Variants in PSMB2 observed in about 807,000 individuals in gnomAD.
PSMB2 encodes proteasome 20S subunit beta 2.
PSMB2 carries 13 observed loss-of-function variants against 25.7 expected under a neutral mutation model. The ratio of observed to expected loss-of-function variants is 0.51; its 90% CI spans 0.33 to 0.80. PSMB2 has a LOEUF of 0.80. Ranked by LOEUF, PSMB2 falls within the 30% of genes least tolerant of loss-of-function variation. The pLI is 0.02. For synonymous variants in PSMB2, 87 were observed against 96.2 expected (o/e 0.90, Z 0.56); for missense variants, 202 against 259.0 (o/e 0.78, Z 1.51).
chr1:35,605,205 C>T (rs764711667), intron 5 of PSMB2, 28 bp downstream of exon 5: 2 of 1,585,176 alleles, frequency 1.3e-6, no homozygotes, highest in Non-Finnish European at 1.7e-6. Context: ...ACAAACATTC[C>T]TTTCAGGATC....
rs1232323602 is a variant in PSMB2 at position 35,625,713 on chromosome 1, G to T, written c.285+5561C>A. On this transcript the variant is annotated intron_variant, in intron 3 of 5. Coordinates refer to ENST00000373237, the MANE Select transcript of PSMB2 (RefSeq NM_002794.5). Reference sequence around the variant, plus strand: ...GGAGGTGGAGCTTGCAGTGAGCCGAGATCGTGCCCCTGCACTCCAGCCTGG... The same window carrying T: ...GGAGGTGGAGCTTGCAGTGAGCCGATATCGTGCCCCTGCACTCCAGCCTGG... Among the ~76,000 whole-genome samples, 6 of 151,120 alleles carry T rather than the reference G, an allele frequency of 4.0e-5. No individual in the cohort carries two copies. The South Asian group carries it at 8.4e-4, about 21-fold the overall frequency.
At chr1:35,639,914 C>A (rs1651344051) in intron 1 of PSMB2, among the ~76,000 whole-genome samples, 1 of 152,040 alleles carries the variant, frequency 6.6e-6, no homozygotes, top group African/African-American at 2.4e-5. Context: ...ATTCATTAAC[C>A]TTTTGAGATA....
chr1:35,620,058 T>C (rs1042135411), intron 3 of PSMB2, among the ~76,000 whole-genome samples: 2 of 152,216 alleles, frequency 1.3e-5, no homozygotes, highest in Non-Finnish European at 2.9e-5. Context: ...CATGCTTTGC[T>C]ACACGCTTGC....
chr1:35,619,959 C>CT (rs913859169), intron 3 of PSMB2, among the ~76,000 whole-genome samples: 12 of 151,588 alleles, frequency 7.9e-5, no homozygotes, highest in African/African-American at 2.4e-4. Context: ...CACTTGAATT[C>CT]TTTTTTTTTC....
intron 2 of PSMB2, among the ~76,000 whole-genome samples, chr1:35,633,369 T>C (rs1389440946): frequency 6.6e-6 from 1 of 152,250 alleles, no homozygotes; most frequent in African/African-American, 2.4e-5. Flanking sequence ...AGATTTTCTC[T>C]TTCTTTCCCT....
At chr1:35,605,155 A>T (rs1488874879) in intron 5 of PSMB2, 78 bp downstream of exon 5, 21 of 1,441,650 alleles carry the variant, frequency 1.5e-5, no homozygotes, top group Non-Finnish European at 2.9e-6. Context: ...ATCTGAAAAA[A>T]TATAACTGAG....
rs968427742 is a variant in PSMB2, at chr1:35,601,190, C to G, written c.*2077G>C. On this transcript the variant is annotated 3_prime_UTR_variant, in exon 6 of 6. Transcript: ENST00000373237. ...CAAGCAATTCTCCTGCCTCAGCCTC[C>G]CAAGTAGTTGGGTTTACAGGCGTGT... 1 of 644,996 alleles carries G rather than the reference C, an allele frequency of 1.6e-6. No individual in the cohort carries two copies. The allele number at this position is 644,996 out of a possible 1,614,324, so 40.0% of individuals were successfully genotyped here.
intron 1 of PSMB2, among the ~76,000 whole-genome samples, chr1:35,638,760 A>G (rs183090382): frequency 1.5e-3 from 221 of 152,310 alleles, no homozygotes; most frequent in Middle Eastern, 3.4e-3. Context: ...CAAAAGTTAT[A>G]CCACTTAATA....
chr1:35,636,188 A>C, intron 2 of PSMB2, 122 bp downstream of exon 2: 1 of 1,255,122 alleles, frequency 8.0e-7, no homozygotes, highest in Non-Finnish European at 1.1e-6. Flanking sequence ...TTAATCTTTG[A>C]CTTCTAACAT....
chr1:35,639,126 C>T (rs1020344726), intron 1 of PSMB2, among the ~76,000 whole-genome samples: 7 of 151,858 alleles, frequency 4.6e-5, no homozygotes, highest in South Asian at 2.1e-4. Context: ...TGGTGACGGG[C>T]GCCTGTAATC....
chr1:35,620,571 T>C (rs1405213234), intron 3 of PSMB2, among the ~76,000 whole-genome samples: 2 of 150,192 alleles, frequency 1.3e-5, no homozygotes, highest in Non-Finnish European at 3.0e-5. Context: ...GGCACAATCT[T>C]GGCTCATTAA....
intron 3 of PSMB2, among the ~76,000 whole-genome samples, chr1:35,612,650 C>T (rs1650375729): frequency 6.6e-6 from 1 of 152,044 alleles, no homozygotes; most frequent in Admixed American, 6.6e-5. Flanking sequence ...AACTGGTATC[C>T]CTCCCCAAGA....
intron 4 of PSMB2, among the ~76,000 whole-genome samples, chr1:35,608,472 A>G (rs569599242): frequency 1.3e-5 from 2 of 152,174 alleles, no homozygotes; most frequent in South Asian, 4.1e-4. Context: ...TCAAATAGCT[A>G]GAAGGAGGAT....
chr1:35,638,219 T>C (rs909694958), intron 1 of PSMB2, among the ~76,000 whole-genome samples: 8 of 152,146 alleles, frequency 5.3e-5, no homozygotes, highest in Admixed American at 4.6e-4. Flanking sequence ...GAGGGCAACA[T>C]ATTTAATAAA....
At chr1:35,638,673 G>C (rs1651311194) in intron 1 of PSMB2, among the ~76,000 whole-genome samples, 1 of 152,148 alleles carries the variant, frequency 6.6e-6, no homozygotes, top group East Asian at 1.9e-4. Context: ...GTGTGGGCTG[G>C]AGTACTCCGA....
At chr1:35,618,806 T>G (rs957604774) in intron 3 of PSMB2, among the ~76,000 whole-genome samples, 2 of 152,218 alleles carry the variant, frequency 1.3e-5, no homozygotes, top group African/African-American at 4.8e-5. Context: ...AAATGTAAAC[T>G]GATCAAAATC....
intron 3 of PSMB2, among the ~76,000 whole-genome samples, chr1:35,620,764 A>G (rs754962026): frequency 6.6e-6 from 1 of 151,258 alleles, no homozygotes; most frequent in East Asian, 2.0e-4. Flanking sequence ...TCCTGGGTTC[A>G]AGCGATTCTC....
At chr1:35,609,016 A>G (rs1487398057) in intron 4 of PSMB2, among the ~76,000 whole-genome samples, 1 of 152,248 alleles carries the variant, frequency 6.6e-6, no homozygotes, top group Non-Finnish European at 1.5e-5. Flanking sequence ...ACCCAGCTCT[A>G]GAGATATGTA....
In PSMB2 at chr1:35,601,121, CAGTGGCATG is replaced by C. The variant is rs1326452320; in HGVS notation, c.*2137_*2145del. ...TTGCTCTGTCAGCCAGGCTGGAGTG[CAGTGGCATG>C]ATCTCGGCTCACTGCAACCTCCCTC... On this transcript the variant is annotated 3_prime_UTR_variant, in exon 6 of 6. Transcript: ENST00000373237. 2 of 859,666 alleles carry C rather than the reference CAGTGGCATG, an allele frequency of 2.3e-6. No individual in the cohort carries two copies. Among genetic ancestry groups the C allele is most frequent in the African/African-American group, 4.3e-5 (2 of 46,600 alleles). 53.3% of individuals were successfully genotyped at this position (859,666 alleles called of 1,614,324 possible).
Sources: allele counts gnomAD v4.1 joint callset (sites outside exome capture counted in the v4.1 genomes callset), GRCh38; gene constraint gnomAD v4.1.1; transcripts MANE v1.5; gene names NCBI Gene and HGNC (gene_info 2026-07-23, HGNC 2026-07-21).